TM2D1: variants seen among roughly 807,000 people sequenced by gnomAD.
TM2D1 encodes the protein TM2 domain containing 1.
Under a neutral mutation model 28.4 loss-of-function variants are expected in TM2D1, and 15 were observed. That is an observed-to-expected ratio of 0.53 (90% CI 0.35 to 0.81). The LOEUF (loss-of-function observed/expected upper bound fraction) is 0.81, where lower values mean the gene tolerates loss of function less well. Ranked by LOEUF, TM2D1 falls within the 40% of genes least tolerant of loss-of-function variation. TM2D1 has a pLI of 0.01. For synonymous variants in TM2D1, 93 were observed against 96.2 expected (o/e 0.97, Z 0.20); for missense variants, 236 against 254.9 (o/e 0.93, Z 0.50).
At chr1:61,721,467 G>A (rs550570552) in intron 2 of TM2D1, among the ~76,000 whole-genome samples, 16 of 151,242 alleles carry the variant, frequency 1.1e-4, no homozygotes, top group Admixed American at 2.6e-4. Flanking sequence ...ACTTGAATCC[G>A]GGAGGCAGAG....
intron 5 of TM2D1, among the ~76,000 whole-genome samples, chr1:61,687,230 T>G (rs1644291005): frequency 6.6e-6 from 1 of 152,002 alleles, no homozygotes; most frequent in Admixed American, 6.6e-5. Flanking sequence ...AAAAGTATAT[T>G]AGAGGTTACC....
intron 4 of TM2D1, chr1:61,695,927 ATC>A (rs2148043076): frequency 6.6e-6 from 1 of 152,290 alleles, no homozygotes; most frequent in South Asian, 2.1e-4. Context: ...AGGGCCTTTT[ATC>A]TGTTTTCTTT....
At chr1:61,724,720 G>C (rs1223345212) in intron 1 of TM2D1, among the ~76,000 whole-genome samples, 1 of 152,146 alleles carries the variant, frequency 6.6e-6, no homozygotes, top group Non-Finnish European at 1.5e-5. Context: ...AAAAAAAGTG[G>C]ATCAGAAGAG....
At chr1:61,713,457 T>A (rs1570122557) in intron 2 of TM2D1, among the ~76,000 whole-genome samples, 1 of 109,212 alleles carries the variant, frequency 9.2e-6, no homozygotes, top group Admixed American at 1.4e-4. Flanking sequence ...CCAGCCTGGG[T>A]AAGAGGACAA....
chr1:61,698,607 GAATA>G (rs1463236919), intron 4 of TM2D1: 3 of 146,392 alleles, frequency 2.0e-5, no homozygotes, highest in African/African-American at 5.1e-5. Context: ...TGAAATGAAT[GAATA>G]AACAAATCCC....
chr1:61,722,197 G>A (rs1447731239), intron 2 of TM2D1, among the ~76,000 whole-genome samples: 2 of 151,890 alleles, frequency 1.3e-5, no homozygotes, highest in Non-Finnish European at 2.9e-5. Context: ...GAGGTGGGAG[G>A]ATCACTTGAT....
chr1:61,700,840 A>G, intron 4 of TM2D1, 94 bp downstream of exon 4: 6 of 897,370 alleles, frequency 6.7e-6, no homozygotes, highest in Non-Finnish European at 8.5e-6. Context: ...TATAGAACTT[A>G]TAATAAATAC....
At chr1:61,723,368 A>G (rs1224857491) in intron 2 of TM2D1, among the ~76,000 whole-genome samples, 1 of 152,218 alleles carries the variant, frequency 6.6e-6, no homozygotes, top group Non-Finnish European at 1.5e-5. Flanking sequence ...GGAAAATAAA[A>G]GGAAGACTTT....
chr1:61,688,503 T>C (rs904591757), intron 5 of TM2D1, among the ~76,000 whole-genome samples: 2 of 152,090 alleles, frequency 1.3e-5, no homozygotes, highest in African/African-American at 2.4e-5. Flanking sequence ...GGCGGGCAGG[T>C]AACGAGGTCA....
chr1:61,713,341 G>A (rs1373785666), intron 2 of TM2D1, among the ~76,000 whole-genome samples: 2 of 151,868 alleles, frequency 1.3e-5, no homozygotes, highest in South Asian at 4.2e-4. Context: ...AGCCAGGCGT[G>A]GTGACATGTG....
intron 2 of TM2D1, among the ~76,000 whole-genome samples, chr1:61,717,509 A>G (rs967192635): frequency 2.6e-5 from 4 of 152,210 alleles, no homozygotes; most frequent in African/African-American, 9.7e-5. Flanking sequence ...GATTTAGATA[A>G]TATCAATTCC....
intron 5 of TM2D1, among the ~76,000 whole-genome samples, chr1:61,691,589 G>A (rs769186230): frequency 1.1e-4 from 16 of 149,604 alleles, no homozygotes; most frequent in Non-Finnish European, 1.5e-4. Flanking sequence ...TAAAAAACTC[G>A]TATTATCTAA....
At chr1:61,688,456 G>A (rs1644298794) in intron 5 of TM2D1, among the ~76,000 whole-genome samples, 1 of 152,222 alleles carries the variant, frequency 6.6e-6, no homozygotes, top group African/African-American at 2.4e-5. Flanking sequence ...CAGACACGGT[G>A]GCTCACGCCT....
At chr1:61,698,082 C>T (rs1644376689) in intron 4 of TM2D1, 1 of 152,170 alleles carries the variant, frequency 6.6e-6, no homozygotes, top group African/African-American at 2.4e-5. Context: ...TAAATGGCTG[C>T]ATAGTATTCT....
chr1:61,716,461 A>ATATATAATTATATATAATTTTATATACG (rs1557539331), intron 2 of TM2D1, among the ~76,000 whole-genome samples: 22 of 144,924 alleles, frequency 1.5e-4, no homozygotes, highest in Non-Finnish European at 2.3e-4. Context: ...TTTTATATAC[A>ATATATAATTATATATAATTTTATATACG]TATATAATTA....
intron 5 of TM2D1, among the ~76,000 whole-genome samples, chr1:61,689,156 T>A (rs1461519427): frequency 6.6e-6 from 1 of 152,196 alleles, no homozygotes; most frequent in African/African-American, 2.4e-5. Flanking sequence ...ATGCTTTTAG[T>A]CCTTCTTTTG....
chr1:61,705,294 C>T (rs1340201552), intron 3 of TM2D1, among the ~76,000 whole-genome samples: 1 of 152,146 alleles, frequency 6.6e-6, no homozygotes, highest in Non-Finnish European at 1.5e-5. Flanking sequence ...TCAAGCGATT[C>T]TCATGCCTCA....
At chr1:61,694,410 G>T in intron 5 of TM2D1, 1 of 231,692 alleles carries the variant, frequency 4.3e-6, no homozygotes, top group Non-Finnish European at 8.3e-6. Context: ...ATTCAGTAAA[G>T]AAACTTCTTT....
Position 61,724,973 on chromosome 1 carries a change from C to T in TM2D1, c.148G>A (p.Asp50Asn), listed in dbSNP as rs1294099713. ...AGGEESLKCE[D>N]LKVGQYICKD... ...AGAGGATATTGTCCCACTTTGAGGT[C>T]CTCGCACTTAAGCGACTCCTCGCCC... The change falls in exon 1 of 7, where the codon GAC becomes AAC. Residue 50 changes from aspartate to asparagine, a missense_variant. Transcript: ENST00000606498. 1.2e-6 allele frequency: 2 copies of T among 1,602,948 alleles called. No individual in the cohort carries two copies. The highest frequency in any genetic ancestry group is 3.4e-5 in the Admixed American group (2 of 59,498).
Sources: allele counts gnomAD v4.1 joint callset (sites outside exome capture counted in the v4.1 genomes callset), GRCh38; gene constraint gnomAD v4.1.1; transcripts MANE v1.5; gene names NCBI Gene and HGNC (gene_info 2026-07-23, HGNC 2026-07-21).